Variants in TRIQK observed in about 807,000 individuals in gnomAD.
TRIQK encodes the protein triple QxxK/R motif containing.
Under a neutral mutation model 10.8 loss-of-function variants are expected in TRIQK, and 10 were observed. That is an observed-to-expected ratio of 0.92 (90% confidence interval 0.57 to 1.57). The LOEUF (loss-of-function observed/expected upper bound fraction) is 1.57, where lower values mean the gene tolerates loss of function less well. Ranked by LOEUF, TRIQK falls within the 40% of genes most tolerant of loss-of-function variation. The probability of loss-of-function intolerance (pLI) is 0.00; values close to 1 mark genes in which losing one functional copy is unlikely to be tolerated. For missense variants in TRIQK, 107 were observed against 97.7 expected (o/e 1.09, Z -0.40); for synonymous variants, 33 against 33.7 (o/e 0.98, Z 0.07).
intron 3 of TRIQK, among the ~76,000 whole-genome samples, chr8:92,903,715 A>G (rs1809082568): frequency 1.3e-5 from 2 of 152,286 alleles, no homozygotes; most frequent in South Asian, 2.1e-4. Flanking sequence ...ATATTTAACT[A>G]TTTATTTGTA....
chr8:92,906,945 T>C (rs1809299777), intron 3 of TRIQK, among the ~76,000 whole-genome samples: 1 of 151,804 alleles, frequency 6.6e-6, no homozygotes, highest in South Asian at 2.1e-4. Flanking sequence ...TCAAGCTTGA[T>C]TGGGATATAT....
At chr8:92,935,296 T>C (rs1810930373) in intron 2 of TRIQK, among the ~76,000 whole-genome samples, 1 of 151,784 alleles carries the variant, frequency 6.6e-6, no homozygotes, top group South Asian at 2.1e-4. Flanking sequence ...ATCAATGTTG[T>C]GAACTACAAA....
chr8:92,967,125 A>T (rs980745436), upstream of TRIQK, among the ~76,000 whole-genome samples: 3 of 152,098 alleles, frequency 2.0e-5, no homozygotes, highest in African/African-American at 7.2e-5. Flanking sequence ...TCTGGTCTCC[A>T]GTTCCTCTCC....
intron 1 of TRIQK, among the ~76,000 whole-genome samples, chr8:92,990,927 G>A (rs1280628975): frequency 1.3e-5 from 2 of 152,182 alleles, no homozygotes; most frequent in Non-Finnish European, 2.9e-5. Context: ...TGAAAAGGGG[G>A]CTGAAGCCAG....
chr8:93,007,552 T>G (rs1813286890), intron 1 of TRIQK, among the ~76,000 whole-genome samples: 2 of 152,162 alleles, frequency 1.3e-5, no homozygotes, highest in Non-Finnish European at 2.9e-5. Context: ...AGAAGTAGGC[T>G]TCAGAAGGTG....
At chr8:93,015,182 T>C (rs1204467196) in intron 1 of TRIQK, among the ~76,000 whole-genome samples, 1 of 151,842 alleles carries the variant, frequency 6.6e-6, no homozygotes, top group Non-Finnish European at 1.5e-5. Flanking sequence ...TAGTTTTCCT[T>C]TTGTAATTAA....
chr8:92,910,298 A>G (rs1361365214), intron 3 of TRIQK, among the ~76,000 whole-genome samples: 1 of 150,816 alleles, frequency 6.6e-6, no homozygotes, highest in East Asian at 1.9e-4. Context: ...AATATACTTT[A>G]TTAAGTCAAC....
intron 1 of TRIQK, among the ~76,000 whole-genome samples, chr8:92,977,262 A>G (rs1812942400): frequency 6.6e-6 from 1 of 152,050 alleles, no homozygotes; most frequent in Admixed American, 6.6e-5. Flanking sequence ...ATATAATTCT[A>G]AGTCAACAGT....
intron 1 of TRIQK, among the ~76,000 whole-genome samples, chr8:93,000,343 G>T (rs981411621): frequency 1.3e-5 from 2 of 152,288 alleles, no homozygotes; most frequent in East Asian, 3.9e-4. Context: ...GGCCCGGGAG[G>T]CTTCACAATC....
intron 1 of TRIQK, among the ~76,000 whole-genome samples, chr8:92,983,984 C>G (rs1019586778): frequency 6.6e-6 from 1 of 152,080 alleles, no homozygotes. Context: ...GGTCAAGTCA[C>G]TCCGACCTCT....
chr8:93,014,139 T>C (rs935087236), intron 1 of TRIQK, among the ~76,000 whole-genome samples: 6 of 152,150 alleles, frequency 3.9e-5, no homozygotes, highest in African/African-American at 1.2e-4. Flanking sequence ...TCAGTATAAT[T>C]GCATTCTGTT....
At chr8:92,950,435 G>A (rs781027034) in intron 2 of TRIQK, among the ~76,000 whole-genome samples, 33 of 152,114 alleles carry the variant, frequency 2.2e-4, no homozygotes, top group Non-Finnish European at 3.4e-4. Context: ...ATCTCTAATC[G>A]TTGTAGGAAT....
At chr8:92,926,351 G>A (rs528166084) in intron 2 of TRIQK, 1 of 152,094 alleles carries the variant, frequency 6.6e-6, no homozygotes, top group South Asian at 2.1e-4. Flanking sequence ...ATTTCCTATG[G>A]GCTAAAGAAT....
At chr8:92,908,774 A>T (rs1386462751) in intron 3 of TRIQK, among the ~76,000 whole-genome samples, 3 of 152,056 alleles carry the variant, frequency 2.0e-5, no homozygotes, top group Non-Finnish European at 4.4e-5. Flanking sequence ...AAAAATTTGC[A>T]ATCTAAATTT....
chr8:92,909,618 A>G (rs1277082278), intron 3 of TRIQK, among the ~76,000 whole-genome samples: 1 of 151,796 alleles, frequency 6.6e-6, no homozygotes, highest in Non-Finnish European at 1.5e-5. Flanking sequence ...TTAACACCAC[A>G]TTAAGTACTA....
intron 2 of TRIQK, among the ~76,000 whole-genome samples, chr8:92,920,229 A>G (rs1276002998): frequency 6.6e-6 from 1 of 151,424 alleles, no homozygotes; most frequent in Non-Finnish European, 1.5e-5. Flanking sequence ...CCTAGCACAG[A>G]CTCTATTTCC....
chr8:92,914,981 G>A (rs945464472), intron 3 of TRIQK, among the ~76,000 whole-genome samples: 8 of 151,954 alleles, frequency 5.3e-5, no homozygotes, highest in Non-Finnish European at 1.2e-4. Flanking sequence ...GACAGATGAC[G>A]GAATCAAGAA....
intron 1 of TRIQK, among the ~76,000 whole-genome samples, chr8:93,001,032 G>A (rs1586527759): frequency 6.6e-6 from 1 of 152,284 alleles, no homozygotes; most frequent in East Asian, 1.9e-4. Context: ...TAGAGGCTGG[G>A]TGCAGTGGCT....
rs565882608 is a variant in TRIQK, at chr8:92,907,341, A to G, written c.61+9588T>C. Among the ~76,000 whole-genome samples the G allele has an allele frequency of 2.6e-5, 4 of 152,302 alleles. No individual in the cohort carries two copies. The South Asian group carries it at 8.3e-4, about 32-fold the overall frequency. On this transcript the variant is annotated intron_variant, in intron 3 of 4. Coordinates refer to ENST00000521988, the MANE Select transcript of TRIQK (RefSeq NM_001171797.2). ...TTTGTGAATGGTTTCTTCCAATTAC[A>G]TAAGACTAAGATTCACTTAACAGTG...
Sources: gnomAD v4.1 joint callset for allele counts (sites outside exome capture counted in the v4.1 genomes callset) on GRCh38, gnomAD v4.1.1 for gene constraint, MANE v1.5 for transcripts, NCBI Gene and HGNC (gene_info 2026-07-23, HGNC 2026-07-21) for gene names.